Variants in ARID1B observed in about 807,000 individuals in gnomAD.
The protein encoded by ARID1B is AT-rich interactive domain-containing protein 1B.
In ARID1B, 30 loss-of-function variants were observed where a neutral mutation model predicts 212.3. The observed-to-expected ratio is 0.14, with a 90% CI of 0.11 to 0.19. ARID1B has a LOEUF of 0.19. Among genes scored for constraint, ARID1B ranks in the 10% least tolerant of loss-of-function variants. The pLI is 1.00. For missense variants in ARID1B, 2,891 were observed against 3,204.0 expected (o/e 0.90, Z 2.36); for synonymous variants, 1,402 against 1,301.7 (o/e 1.08, Z -1.66).
chr6:157,038,551 T>G (rs1781483479), intron 4 of ARID1B, among the ~76,000 whole-genome samples: 1 of 152,160 alleles, frequency 6.6e-6, no homozygotes, highest in Admixed American at 6.5e-5. Flanking sequence ...TTGATACAAC[T>G]CAAGTTTATA....
intron 1 of ARID1B, 159 bp downstream of exon 1, chr6:156,779,630 G>T (rs1365338020): frequency 5.0e-5 from 36 of 713,942 alleles, no homozygotes; most frequent in Non-Finnish European, 5.6e-5. Context: ...CTCCCGCCGC[G>T]GTCGGGGCGC....
At chr6:157,022,037 G>A (rs1407323548) in intron 4 of ARID1B, among the ~76,000 whole-genome samples, 2 of 152,326 alleles carry the variant, frequency 1.3e-5, no homozygotes, top group East Asian at 1.9e-4. Flanking sequence ...GTTGGAACCC[G>A]TTCGCGTAAT....
intron 16 of ARID1B, chr6:157,198,497 C>T (rs1013186947): frequency 1.9e-5 from 6 of 315,188 alleles, no homozygotes; most frequent in Admixed American, 4.4e-5. Flanking sequence ...GGCGGGGCTG[C>T]GGCCTCCAAG....
rs567901995 is a variant in ARID1B at position 157,126,054 on chromosome 6, A to T, written c.2582-6974A>T. On this transcript the variant is annotated intron_variant, in intron 6 of 19. Coordinates refer to ENST00000636930, the MANE Select transcript of ARID1B (RefSeq NM_001374828.1). ...GAGAATGTTAGAGTAAAATAGGTGC[A>T]TGCTGGTGGAAGATTTGTGTGACAT... 3.3e-5 allele frequency among the ~76,000 whole-genome samples: 5 copies of T among 152,284 alleles called. No individual in the cohort carries two copies. The South Asian group carries it at 1.0e-3, about 32-fold the overall frequency.
At chr6:157,127,202 C>T (rs1277306338) in intron 6 of ARID1B, among the ~76,000 whole-genome samples, 1 of 151,964 alleles carries the variant, frequency 6.6e-6, no homozygotes, top group Non-Finnish European at 1.5e-5. Flanking sequence ...GCTGGAAGTG[C>T]CCCTACAACT....
intron 4 of ARID1B, among the ~76,000 whole-genome samples, chr6:156,983,290 G>A (rs1216626772): frequency 2.0e-5 from 3 of 152,096 alleles, no homozygotes; most frequent in African/African-American, 7.2e-5. Context: ...AGCTACTCGA[G>A]AGGCTGAGAC....
intron 4 of ARID1B, among the ~76,000 whole-genome samples, chr6:156,964,034 ATC>A (rs1173913722): frequency 6.6e-6 from 1 of 152,262 alleles, no homozygotes; most frequent in East Asian, 1.9e-4. Flanking sequence ...CAGTTTCAGA[ATC>A]TCTCTGTCAC....
intron 13 of ARID1B, chr6:157,186,449 C>T (rs1222607883): frequency 4.2e-6 from 2 of 471,138 alleles, no homozygotes; most frequent in Admixed American, 2.3e-5. Context: ...CAGGGGGCTC[C>T]AGGCACACAC....
At chr6:156,913,022 T>A (rs979959915) in intron 3 of ARID1B, among the ~76,000 whole-genome samples, 5 of 57,696 alleles carry the variant, frequency 8.7e-5, no homozygotes, top group African/African-American at 2.9e-4. Flanking sequence ...TCATACTTTC[T>A]TTTTTTTTTT....
intron 5 of ARID1B, among the ~76,000 whole-genome samples, chr6:157,087,384 G>C (rs1445626724): frequency 6.6e-6 from 1 of 152,128 alleles, no homozygotes; most frequent in East Asian, 1.9e-4. Context: ...ATAATTATCT[G>C]ATACTAGCCA....
In ARID1B at chr6:157,133,588, C is replaced by G. The variant is rs190396116; in HGVS notation, c.2761+381C>G. On this transcript the variant is annotated intron_variant, in intron 7 of 19. Transcript: ENST00000636930. Reference sequence around the variant, plus strand: ...GGTTGGATTCTGGTTTGGCCCATCCCTCTTAGTGATCACCGTCAAAACCCT... The same window carrying G: ...GGTTGGATTCTGGTTTGGCCCATCCGTCTTAGTGATCACCGTCAAAACCCT... Among the ~76,000 whole-genome samples, 563 of 152,308 alleles carry G rather than the reference C, an allele frequency of 3.7e-3. 1 individual carries two copies. Among genetic ancestry groups the G allele is most frequent in the Non-Finnish European group, 5.8e-3 (394 of 68,016 alleles).
At chr6:156,810,656 T>C (rs879343437) in intron 1 of ARID1B, among the ~76,000 whole-genome samples, 5 of 152,120 alleles carry the variant, frequency 3.3e-5, no homozygotes, top group Admixed American at 6.5e-5. Flanking sequence ...ACAAACTTGA[T>C]ATAGAAGGTG....
At position 157,060,630 on chromosome 6, in the gene ARID1B, C is replaced by CTTTTTTTTTTTTT. The variant is rs56870548; in HGVS notation, c.2248-24018_2248-24006dup. Reference sequence around the variant, plus strand: ...TAATATATGTGAAGCAAAATCTGAACTTTTTTTTTTTTTTTTTTTTTTTTT... The same window carrying CTTTTTTTTTTTTT: ...TAATATATGTGAAGCAAAATCTGAACTTTTTTTTTTTTTTTTTTTTTTTTTTTTTTTTTTTTTT... On this transcript the variant is annotated intron_variant, in intron 4 of 19. Transcript: ENST00000636930. Among the ~76,000 whole-genome samples, 18 of 72,034 alleles carry CTTTTTTTTTTTTT rather than the reference C, an allele frequency of 2.5e-4. 1 individual carries two copies. Among genetic ancestry groups the CTTTTTTTTTTTTT allele is most frequent in the African/African-American group, 9.4e-4 (15 of 15,954 alleles). The allele number at this position is 72,034 out of a possible 152,430, so 47.3% of individuals were successfully genotyped here. A position where few individuals can be genotyped will look rare whatever the true frequency, so the allele number is the denominator to read the frequency against.
chr6:156,928,922 C>T (rs768856602), intron 3 of ARID1B, among the ~76,000 whole-genome samples: 6 of 152,098 alleles, frequency 3.9e-5, no homozygotes, highest in African/African-American at 4.8e-5. Flanking sequence ...ATATGAAGCC[C>T]AGGATAAAAC....
chr6:156,824,544 C>T (rs1782609824), intron 1 of ARID1B, among the ~76,000 whole-genome samples: 1 of 152,194 alleles, frequency 6.6e-6, no homozygotes, highest in Admixed American at 6.5e-5. Flanking sequence ...GCAGGCGAAT[C>T]ACTTGAGGTC....
chr6:156,856,698 TCTCACACACACACA>T (rs1436784995), intron 2 of ARID1B, among the ~76,000 whole-genome samples: 12 of 85,676 alleles, frequency 1.4e-4, no homozygotes, highest in Non-Finnish European at 2.0e-4. Flanking sequence ...TCTCTCTCTC[TCTCACACACACACA>T]CACACACACA....
chr6:157,142,821 A>G (rs1789472843), intron 7 of ARID1B, among the ~76,000 whole-genome samples: 1 of 151,926 alleles, frequency 6.6e-6, no homozygotes, highest in African/African-American at 2.4e-5. Context: ...GATTTATTGC[A>G]TTCACCTCCA....
intron 4 of ARID1B, among the ~76,000 whole-genome samples, chr6:156,966,386 C>CTTTTCTTTTTTCTTTTCT (rs1794748843): frequency 7.7e-5 from 3 of 38,920 alleles, no homozygotes; most frequent in Admixed American, 2.6e-4. Context: ...CTTTTCTTTT[C>CTTTTCTTTTTTCTTTTCT]TTTTTTTTTT....
intron 2 of ARID1B, among the ~76,000 whole-genome samples, chr6:156,844,337 C>T (rs287901): frequency 6.6e-6 from 1 of 152,014 alleles, no homozygotes; most frequent in African/African-American, 2.4e-5. Flanking sequence ...AAAATTCCTA[C>T]TCTGTCTGTG....
Sources: allele counts gnomAD v4.1 joint callset (sites outside exome capture counted in the v4.1 genomes callset), GRCh38; gene constraint gnomAD v4.1.1; transcripts MANE v1.5; gene names NCBI Gene and HGNC (gene_info 2026-07-23, HGNC 2026-07-21).